GLIS3: variants seen among roughly 807,000 people sequenced by gnomAD.
GLIS3 encodes zinc finger protein GLIS3.
In GLIS3, 53 loss-of-function variants were observed where a neutral mutation model predicts 78.6. That is an observed-to-expected ratio of 0.67 (90% confidence interval 0.54 to 0.85). The LOEUF (loss-of-function observed/expected upper bound fraction) is 0.85, where lower values mean the gene tolerates loss of function less well. Ranked by LOEUF, GLIS3 falls within the 40% of genes least tolerant of loss-of-function variation. The probability of loss-of-function intolerance (pLI) is 0.00; values close to 1 mark genes in which losing one functional copy is unlikely to be tolerated. For missense variants in GLIS3, 1,703 were observed against 1,231.1 expected, an observed-to-expected ratio of 1.38 and a Z score of -5.74; for synonymous variants, 684 against 509.9, an observed-to-expected ratio of 1.34 and a Z score of -4.60.
chr9:3,912,155 G>A (rs1371999715), intron 6 of GLIS3, among the ~76,000 whole-genome samples: 1 of 152,130 alleles, frequency 6.6e-6, no homozygotes, highest in Non-Finnish European at 1.5e-5. Context: ...ATTACATGAG[G>A]TGACCTAAGG....
intron 2 of GLIS3, among the ~76,000 whole-genome samples, chr9:4,222,031 G>A (rs2131334595): frequency 6.6e-6 from 1 of 152,294 alleles, no homozygotes; most frequent in South Asian, 2.1e-4. Context: ...TGGCTCTTGA[G>A]TTGAAGTTTA....
intron 2 of GLIS3, among the ~76,000 whole-genome samples, chr9:4,213,008 T>C (rs981868519): frequency 3.3e-5 from 5 of 152,098 alleles, no homozygotes; most frequent in African/African-American, 1.2e-4. Flanking sequence ...CTGTTGGAGA[T>C]TGTGACCTGG....
chr9:4,348,386 C>G (rs188417527), exon 1 of GLIS3: 1 of 152,252 alleles, frequency 6.6e-6, no homozygotes, highest in African/African-American at 2.4e-5. Flanking sequence ...CTCCAGCCAT[C>G]ACCTCCACAT....
the GLIS3 span, among the ~76,000 whole-genome samples, chr9:4,420,030 T>C: frequency 1.3e-5 from 2 of 152,130 alleles, no homozygotes; most frequent in East Asian, 1.9e-4. Context: ...TGAGAGTAGT[T>C]ATGGGGAATT....
At chr9:4,198,226 G>A (rs1039932430) in intron 2 of GLIS3, among the ~76,000 whole-genome samples, 24 of 152,092 alleles carry the variant, frequency 1.6e-4, no homozygotes, top group African/African-American at 5.3e-4. Context: ...TGAGATCCAA[G>A]ACAAGGTTGA....
chr9:4,465,363 C>A, the GLIS3 span, among the ~76,000 whole-genome samples: 1 of 152,180 alleles, frequency 6.6e-6, no homozygotes, highest in Non-Finnish European at 1.5e-5. Context: ...GCCTGGCCAA[C>A]GTGGTGAAAC....
chr9:4,390,274 G>T, the GLIS3 span, among the ~76,000 whole-genome samples: 2 of 152,218 alleles, frequency 1.3e-5, no homozygotes, highest in East Asian at 3.8e-4. Context: ...TGCATAGGGT[G>T]CAATACTTTG....
the GLIS3 span, among the ~76,000 whole-genome samples, chr9:4,472,999 G>C: frequency 6.6e-6 from 1 of 152,034 alleles, no homozygotes; most frequent in African/African-American, 2.4e-5. Context: ...TGAGTCTAAC[G>C]GTAGTTCTGT....
At chr9:4,020,570 G>C (rs1266722162) in intron 4 of GLIS3, among the ~76,000 whole-genome samples, 2 of 152,194 alleles carry the variant, frequency 1.3e-5, no homozygotes, top group African/African-American at 4.8e-5. Context: ...TGCAATCTAA[G>C]AGGCATAAAC....
At chr9:4,261,360 G>T (rs1825508727) in intron 2 of GLIS3, among the ~76,000 whole-genome samples, 1 of 152,272 alleles carries the variant, frequency 6.6e-6, no homozygotes, top group East Asian at 1.9e-4. Context: ...AATAGGGATG[G>T]AAGAGGAGGG....
chr9:4,420,773 G>T, the GLIS3 span, among the ~76,000 whole-genome samples: 1 of 152,058 alleles, frequency 6.6e-6, no homozygotes, highest in African/African-American at 2.4e-5. Flanking sequence ...TATTACATAG[G>T]TTGAGTATAT....
chr9:3,949,355 T>G (rs1455677694), intron 4 of GLIS3, among the ~76,000 whole-genome samples: 2 of 152,202 alleles, frequency 1.3e-5, no homozygotes, highest in Non-Finnish European at 1.5e-5. Context: ...CTAACTATAC[T>G]TCTCAAATAA....
In GLIS3 at chr9:4,078,075, G is replaced by T. The variant is rs537270722; in HGVS notation, c.1710+39693C>A. ...CCAGTCTCTTCATTGGACCCTGAAT[G>T]ATATGGTCCCCCATTGCTGGAGCTA... On this transcript the variant is annotated intron_variant, in intron 4 of 10. Transcript: ENST00000381971. Among the ~76,000 whole-genome samples, 4 of 152,238 alleles carry T rather than the reference G, an allele frequency of 2.6e-5. No homozygotes were observed. In the South Asian group the frequency reaches 8.3e-4, roughly 32 times the overall value.
chr9:4,157,112 G>C (rs1294979726), intron 2 of GLIS3, among the ~76,000 whole-genome samples: 4 of 152,174 alleles, frequency 2.6e-5, no homozygotes, highest in African/African-American at 9.7e-5. Flanking sequence ...ATTAGTGTAT[G>C]AATATTATTT....
the GLIS3 span, among the ~76,000 whole-genome samples, chr9:4,440,471 A>G: frequency 6.6e-6 from 1 of 152,168 alleles, no homozygotes; most frequent in Non-Finnish European, 1.5e-5. Flanking sequence ...AGCACCTTTG[A>G]TGAATATCAT....
intron 9 of GLIS3, among the ~76,000 whole-genome samples, chr9:3,849,725 T>A (rs1194104117): frequency 6.6e-6 from 1 of 152,092 alleles, no homozygotes; most frequent in Non-Finnish European, 1.5e-5. Flanking sequence ...CTGGCCCACA[T>A]GGTGAAACCC....
At chr9:4,444,314 C>A in the GLIS3 span, among the ~76,000 whole-genome samples, 1 of 152,200 alleles carries the variant, frequency 6.6e-6, no homozygotes, top group Non-Finnish European at 1.5e-5. Context: ...GACATCTAAG[C>A]AATGTCCTTC....
chr9:3,886,913 G>C (rs182983853), intron 7 of GLIS3, among the ~76,000 whole-genome samples: 105 of 152,242 alleles, frequency 6.9e-4, no homozygotes, highest in Admixed American at 4.0e-3. Flanking sequence ...AGAAGGAGCT[G>C]GTTTTCTTTT....
intron 2 of GLIS3, among the ~76,000 whole-genome samples, chr9:4,149,594 A>G (rs1202243202): frequency 1.3e-5 from 2 of 152,226 alleles, no homozygotes; most frequent in Non-Finnish European, 2.9e-5. Flanking sequence ...GGTACCATAA[A>G]TGGTGTCAGG....
Sources: allele counts gnomAD v4.1 joint callset (sites outside exome capture counted in the v4.1 genomes callset), GRCh38; gene constraint gnomAD v4.1.1; transcripts MANE v1.5; gene names NCBI Gene and HGNC (gene_info 2026-07-23, HGNC 2026-07-21).